The following PIK3AP1 variants were observed in gnomAD, a reference collection of about 807,000 sequenced individuals.
PIK3AP1 encodes the protein phosphoinositide 3-kinase adapter protein 1.
A neutral mutation model predicts 88.1 loss-of-function variants in PIK3AP1; 21 were observed. That is an observed-to-expected ratio of 0.24 (90% CI 0.17 to 0.34). The LOEUF (loss-of-function observed/expected upper bound fraction) is 0.34. Among genes scored for constraint, PIK3AP1 ranks in the 10% least tolerant of loss-of-function variants. PIK3AP1 has a pLI of 1.00. For missense variants in PIK3AP1, 828 were observed against 1,035.7 expected, an observed-to-expected ratio of 0.80 and a Z score of 2.75; for synonymous variants, 398 against 400.0, an observed-to-expected ratio of 1.00 and a Z score of 0.06.
At chr10:96,644,952 G>A (rs982250774) in intron 8 of PIK3AP1, among the ~76,000 whole-genome samples, 5 of 151,958 alleles carry the variant, frequency 3.3e-5, no homozygotes, top group African/African-American at 7.3e-5. Flanking sequence ...GTCAGTCAAT[G>A]TTTGAAGCCG....
chr10:96,656,809 T>C lies in PIK3AP1; in HGVS notation c.556A>G (p.Ile186Val). Residue 186 changes from isoleucine to valine, a missense_variant, in exon 3 of 17, where the codon ATT becomes GTT. Physicochemically the swap from Ile to Val is conservative, Grantham distance 29. Transcript: ENST00000339364. ...CCAGCAGTGCCTACCCCACAGCGAA[T>C]GCGGTCCGGCTGCACCACCATCAGG... Reference protein sequence around the residue: ...GNLMVVQPDRIRCGAETTVYV... With the variant: ...GNLMVVQPDRVRCGAETTVYV... 1 of 1,614,060 alleles carries C rather than the reference T, an allele frequency of 6.2e-7. No individual in the cohort carries two copies. Among genetic ancestry groups the C allele is most frequent in the Non-Finnish European group, 8.5e-7 (1 of 1,180,018 alleles).
At chr10:96,681,858 C>T (rs966576659) in intron 2 of PIK3AP1, among the ~76,000 whole-genome samples, 1 of 152,098 alleles carries the variant, frequency 6.6e-6, no homozygotes, top group East Asian at 1.9e-4. Flanking sequence ...CAATTACCCA[C>T]GAGGGCAGTG....
intron 2 of PIK3AP1, among the ~76,000 whole-genome samples, chr10:96,658,229 G>C (rs561296354): frequency 6.6e-6 from 1 of 152,298 alleles, no homozygotes; most frequent in African/African-American, 2.4e-5. Context: ...TGCCTTCAGA[G>C]AGTCCATCAT....
At chr10:96,609,530 A>G (rs540975013) in intron 14 of PIK3AP1, among the ~76,000 whole-genome samples, 182 bp downstream of exon 14, 1 of 152,352 alleles carries the variant, frequency 6.6e-6, no homozygotes, top group East Asian at 1.9e-4. Flanking sequence ...ACTAGGTTTC[A>G]TGGGATACAA....
At chr10:96,606,870 A>C (rs1376226025) in intron 14 of PIK3AP1, among the ~76,000 whole-genome samples, 1 of 152,220 alleles carries the variant, frequency 6.6e-6, no homozygotes, top group African/African-American at 2.4e-5. Flanking sequence ...GAAAAAAATG[A>C]CCATATAAAA....
intron 10 of PIK3AP1, 130 bp downstream of exon 10, chr10:96,626,578 G>A (rs891819851): frequency 1.5e-5 from 15 of 979,448 alleles, no homozygotes; most frequent in African/African-American, 9.9e-5. Context: ...ACCCTGTCTC[G>A]TAGGGCTGGT....
At chr10:96,692,443 G>A (rs994904678) in intron 2 of PIK3AP1, among the ~76,000 whole-genome samples, 3 of 151,956 alleles carry the variant, frequency 2.0e-5, no homozygotes, top group Admixed American at 1.3e-4. Context: ...GCATGGTGGT[G>A]CATGCCTGTA....
intron 2 of PIK3AP1, among the ~76,000 whole-genome samples, chr10:96,684,223 G>C (rs1325176520): frequency 6.6e-6 from 1 of 152,238 alleles, no homozygotes; most frequent in Admixed American, 6.5e-5. Flanking sequence ...GGCATAGCTA[G>C]TTAGGCAATG....
At chr10:96,626,628 T>C in intron 10 of PIK3AP1, 80 bp downstream of exon 10, 1 of 1,468,306 alleles carries the variant, frequency 6.8e-7, no homozygotes, top group Non-Finnish European at 9.3e-7. Context: ...GAGCAATGGT[T>C]CAAAAAGCCA....
At chr10:96,672,766 C>A (rs545740277) in intron 2 of PIK3AP1, among the ~76,000 whole-genome samples, 29 of 152,188 alleles carry the variant, frequency 1.9e-4, no homozygotes, top group Non-Finnish European at 3.8e-4. Context: ...GGGGCTGGGG[C>A]CCTCTAACTT....
chr10:96,609,334 AGC>A (rs1374216094), intron 14 of PIK3AP1, among the ~76,000 whole-genome samples: 11 of 152,240 alleles, frequency 7.2e-5, no homozygotes, highest in African/African-American at 2.7e-4. Context: ...CCTAGGCCAG[AGC>A]ACTAAGCCTC....
intron 2 of PIK3AP1, among the ~76,000 whole-genome samples, chr10:96,687,155 C>G (rs1844080391): frequency 6.9e-6 from 1 of 145,192 alleles, no homozygotes; most frequent in Admixed American, 7.2e-5. Context: ...ACTCGGGAGG[C>G]TGAGGCAGGA....
At chr10:96,694,527 C>T (rs1384967428) in intron 2 of PIK3AP1, among the ~76,000 whole-genome samples, 1 of 148,244 alleles carries the variant, frequency 6.7e-6, no homozygotes, top group Non-Finnish European at 1.5e-5. Flanking sequence ...CCCTTCTCTC[C>T]CTCCTTTCTT....
Position 96,594,800 on chromosome 10 carries a change from G to T in PIK3AP1, c.*777C>A, listed in dbSNP as rs1848728591. On this transcript the variant is annotated 3_prime_UTR_variant, in exon 17 of 17. Transcript: ENST00000339364. This position sits in a 1 kb window ranked among gnomAD's most constrained non-coding sequence, Gnocchi z 4.6. ...AAACAAACAAACTTGGTAGTCTCAT[G>T]CCTGGGAGATACGGAAGATGGAAAA... The T allele has an allele frequency of 6.6e-6, 1 of 152,210 alleles. No homozygotes were observed. Among genetic ancestry groups the T allele is most frequent in the African/African-American group, 2.4e-5 (1 of 41,454 alleles). The allele number at this position is 152,210 out of a possible 1,614,324, so 9.4% of individuals were successfully genotyped here.
chr10:96,651,188 T>C, intron 6 of PIK3AP1, 60 bp downstream of exon 6: 3 of 1,603,914 alleles, frequency 1.9e-6, no homozygotes, highest in Non-Finnish European at 2.6e-6. Flanking sequence ...GATGGGATGC[T>C]GAAACCAGCA....
rs1241944184 is a variant in PIK3AP1, at chr10:96,683,278, G to A, written c.430+26289C>T. 2.0e-5 allele frequency among the ~76,000 whole-genome samples: 3 copies of A among 152,212 alleles called. No homozygotes were observed. In the East Asian group the frequency reaches 5.8e-4, roughly 29 times the overall value. On this transcript the variant is annotated intron_variant, in intron 2 of 16. Coordinates refer to ENST00000339364, the MANE Select transcript of PIK3AP1 (RefSeq NM_152309.3). ...GAGGAATTATTCAATTGCTAAAGTG[G>A]CTTAAGACTGTGAGAATAGGCAACT...
At chr10:96,619,233 C>T (rs1843042006) in intron 12 of PIK3AP1, 1 of 152,240 alleles carries the variant, frequency 6.6e-6, no homozygotes, top group Admixed American at 6.5e-5. Context: ...GGCCTGATGA[C>T]ATGCTTCCCC....
At chr10:96,609,634 A>G (rs1849068055) in intron 14 of PIK3AP1, 78 bp downstream of exon 14, 2 of 1,499,742 alleles carry the variant, frequency 1.3e-6, no homozygotes, top group East Asian at 2.3e-5. Flanking sequence ...GGCTCTTAAG[A>G]GGATGTTTCC....
rs77161568 is a variant in PIK3AP1, at chr10:96,714,560, A to G, written c.14-4577T>C. On this transcript the variant is annotated intron_variant, in intron 1 of 16. Coordinates refer to ENST00000339364, the MANE Select transcript of PIK3AP1 (RefSeq NM_152309.3). ...CATGGGTTTCTCATACCATTCTCCA[A>G]TAAAAGGATCCAGGATTCCTTAGTG... Among the ~76,000 whole-genome samples the G allele has an allele frequency of 7.4e-3, 1,127 of 152,370 alleles. 3 individuals carry two copies. The highest frequency in any genetic ancestry group is 0.012 in the Non-Finnish European group (787 of 68,040).
Sources: gnomAD v4.1 joint callset for allele counts (sites outside exome capture counted in the v4.1 genomes callset) on GRCh38, gnomAD v4.1.1 for gene constraint, Gnocchi (gnomAD v3.1) non-coding constraint, MANE v1.5 for transcripts, NCBI Gene and HGNC (gene_info 2026-07-23, HGNC 2026-07-21) for gene names.